WWOX: variants seen among roughly 807,000 people sequenced by gnomAD.
The protein encoded by WWOX is WW domain containing oxidoreductase.
Under a neutral mutation model 46.2 loss-of-function variants are expected in WWOX, and 69 were observed. The observed-to-expected ratio is 1.49, with a 90% CI of 1.23 to 1.82. The LOEUF (loss-of-function observed/expected upper bound fraction) is 1.82. Among genes scored for constraint, WWOX ranks in the 40% most tolerant of loss-of-function variants. The probability of loss-of-function intolerance (pLI) is 0.00; values close to 1 mark genes in which losing one functional copy is unlikely to be tolerated. For synonymous variants in WWOX, 359 were observed against 202.6 expected (o/e 1.77, Z -6.56); for missense variants, 919 against 542.6 (o/e 1.69, Z -6.89).
chr16:79,152,266 A>C (rs1258362311), intron 8 of WWOX, among the ~76,000 whole-genome samples: 1 of 152,224 alleles, frequency 6.6e-6, no homozygotes, highest in African/African-American at 2.4e-5. Flanking sequence ...AGAAGGGTAC[A>C]GGCTGGCTGG....
At chr16:78,735,782 C>A (rs1028987784) in intron 8 of WWOX, among the ~76,000 whole-genome samples, 6 of 152,174 alleles carry the variant, frequency 3.9e-5, no homozygotes, top group African/African-American at 1.4e-4. Flanking sequence ...CCCCTGCCCC[C>A]TGCCTTGCTT....
rs374658336 is a variant in WWOX at position 78,432,552 on chromosome 16, G to C, written c.856G>C (p.Asp286His). ...DFSRLSPTKN[D>H]YWAMLAYNRS... ...CAGTCGCCTCTCTCCAACAAAAAAC[G>C]ACTATTGGGCGATGCTGGCTTATAA... Residue 286 changes from aspartate (D) to histidine (H), a missense_variant, in exon 8 of 9, where the codon GAC becomes CAC. Coordinates refer to ENST00000566780, the MANE Select transcript of WWOX (RefSeq NM_016373.4). 3 of 1,614,000 alleles carry C rather than the reference G, an allele frequency of 1.9e-6. No individual in the cohort carries two copies. In the Admixed American group the frequency reaches 5.0e-5, roughly 27 times the overall value.
At chr16:79,161,288 G>A (rs932248987) in intron 8 of WWOX, among the ~76,000 whole-genome samples, 1 of 152,114 alleles carries the variant, frequency 6.6e-6, no homozygotes, top group Non-Finnish European at 1.5e-5. Context: ...ACCTTGTGCT[G>A]GCTCCTCACC....
intron 8 of WWOX, among the ~76,000 whole-genome samples, chr16:79,053,377 A>T (rs373917421): frequency 6.6e-6 from 1 of 152,206 alleles, no homozygotes; most frequent in Non-Finnish European, 1.5e-5. Flanking sequence ...GTGCGCACGT[A>T]AAGAAACAAT....
At chr16:78,183,912 A>G (rs751389361) in intron 5 of WWOX, among the ~76,000 whole-genome samples, 5 of 152,190 alleles carry the variant, frequency 3.3e-5, no homozygotes, top group African/African-American at 7.2e-5. Context: ...CCGTGAGCCA[A>G]TTTGGAGAAA....
At position 78,346,732 on chromosome 16, in the gene WWOX, T is replaced by A. The variant is rs1156558697; in HGVS notation, c.517-40128T>A. 2.5e-5 allele frequency among the ~76,000 whole-genome samples: 3 copies of A among 118,932 alleles called. 1 individual carries two copies. The highest frequency in any genetic ancestry group is 8.6e-5 in the African/African-American group (3 of 34,924). 78.0% of individuals were successfully genotyped at this position (118,932 alleles called of 152,430 possible). On this transcript the variant is annotated intron_variant, in intron 5 of 8. Transcript: ENST00000566780. Reference sequence around the variant, plus strand: ...ATTATTTACTTTTTTTGAGATGGAGTCTCGCTCTGTTGCCCAGTCTGGAGA... The same window carrying A: ...ATTATTTACTTTTTTTGAGATGGAGACTCGCTCTGTTGCCCAGTCTGGAGA...
rs1332239198 is a variant in WWOX, at chr16:79,060,190, C to T, written c.1057-151418C>T. On this transcript the variant is annotated intron_variant, in intron 8 of 8. Coordinates refer to ENST00000566780, the MANE Select transcript of WWOX (RefSeq NM_016373.4). ...GAGAACATAAAAACCCACCAAGCCTCATTTTTCTTGCTAATTTATTTCCTT... is the reference window on the plus strand; with the variant it reads ...GAGAACATAAAAACCCACCAAGCCTTATTTTTCTTGCTAATTTATTTCCTT... Among the ~76,000 whole-genome samples, 38 of 152,180 alleles carry T rather than the reference C, an allele frequency of 2.5e-4. 1 individual carries two copies. Among genetic ancestry groups the T allele is most frequent in the Admixed American group, 2.4e-3 (36 of 15,276 alleles).
intron 8 of WWOX, among the ~76,000 whole-genome samples, chr16:78,569,157 G>T (rs1026838261): frequency 2.0e-5 from 3 of 152,156 alleles, no homozygotes; most frequent in Admixed American, 1.3e-4. Context: ...TGGGAGGGAA[G>T]AACCCTATGG....
intron 5 of WWOX, among the ~76,000 whole-genome samples, chr16:78,378,797 G>C (rs1019908037): frequency 6.6e-6 from 1 of 152,154 alleles, no homozygotes; most frequent in Non-Finnish European, 1.5e-5. Flanking sequence ...GATTATTGCC[G>C]TGCTTACATT....
At chr16:78,108,351 T>A in intron 1 of WWOX, 72 bp from the exon 2 acceptor site, 1 of 1,492,610 alleles carries the variant, frequency 6.7e-7, no homozygotes, top group East Asian at 2.4e-5. Context: ...AGAGAAAAAA[T>A]TTAATACAAT....
intron 8 of WWOX, among the ~76,000 whole-genome samples, chr16:78,519,405 G>A (rs992011458): frequency 6.6e-6 from 1 of 152,046 alleles, no homozygotes; most frequent in South Asian, 2.1e-4. Context: ...TCCCACGTCA[G>A]ACCTTTCCAT....
At chr16:78,986,120 G>C (rs1335388494) in intron 8 of WWOX, among the ~76,000 whole-genome samples, 1 of 152,222 alleles carries the variant, frequency 6.6e-6, no homozygotes, top group Admixed American at 6.5e-5. Flanking sequence ...GACATTTATG[G>C]AGTCAGGAGC....
intron 8 of WWOX, among the ~76,000 whole-genome samples, chr16:78,847,088 G>C (rs1416661901): frequency 6.6e-6 from 1 of 152,156 alleles, no homozygotes; most frequent in African/African-American, 2.4e-5. Context: ...GGCACTGTAA[G>C]AGGCTTTACA....
chr16:79,080,277 T>C (rs1178017245), intron 8 of WWOX, among the ~76,000 whole-genome samples: 2 of 152,182 alleles, frequency 1.3e-5, no homozygotes, highest in East Asian at 1.9e-4. Context: ...CTTTTCTCTG[T>C]CTCTCATCTC....
chr16:79,148,524 T>G (rs997983930), intron 8 of WWOX, among the ~76,000 whole-genome samples: 1 of 152,148 alleles, frequency 6.6e-6, no homozygotes, highest in African/African-American at 2.4e-5. Context: ...TCTTTTTTAT[T>G]AAGATTATTT....
intron 8 of WWOX, among the ~76,000 whole-genome samples, chr16:78,654,903 G>T (rs1046317974): frequency 6.6e-6 from 1 of 152,022 alleles, no homozygotes; most frequent in African/African-American, 2.4e-5. Context: ...ATATGTGTAT[G>T]TGTGTGCATG....
At chr16:78,192,758 T>A (rs1567622469) in intron 5 of WWOX, among the ~76,000 whole-genome samples, 1 of 152,192 alleles carries the variant, frequency 6.6e-6, no homozygotes, top group Non-Finnish European at 1.5e-5. Flanking sequence ...AAGTTTTTAT[T>A]TGTTTGGTGA....
intron 8 of WWOX, among the ~76,000 whole-genome samples, chr16:78,590,146 G>GTCTCTCTCTCTGTCTC (rs2045317074): frequency 6.7e-6 from 1 of 149,618 alleles, no homozygotes; most frequent in South Asian, 2.2e-4. Context: ...TAGGCATTCA[G>GTCTCTCTCTCTGTCTC]TCTCTCTCTC....
intron 8 of WWOX, among the ~76,000 whole-genome samples, chr16:79,165,425 G>T (rs1310917155): frequency 6.6e-6 from 1 of 152,202 alleles, no homozygotes; most frequent in Non-Finnish European, 1.5e-5. Context: ...ATTTCCCACT[G>T]CAGCCGGTAG....
Sources: gnomAD v4.1 joint callset for allele counts (sites outside exome capture counted in the v4.1 genomes callset) on GRCh38, gnomAD v4.1.1 for gene constraint, MANE v1.5 for transcripts, NCBI Gene and HGNC (gene_info 2026-07-23, HGNC 2026-07-21) for gene names.